Variants in ARHGEF18 observed in about 807,000 individuals in gnomAD.
ARHGEF18 encodes the protein rho guanine nucleotide exchange factor 18.
ARHGEF18 carries 93 observed loss-of-function variants against 155.7 expected under a neutral mutation model. The observed-to-expected ratio is 0.60, with a 90% CI of 0.50 to 0.71. The LOEUF is 0.71. ARHGEF18 is among the 30% of genes least tolerant of loss of function. The pLI is 0.00. For missense variants in ARHGEF18, 1,593 were observed against 1,816.1 expected (o/e 0.88, Z 2.23); for synonymous variants, 742 against 753.1 (o/e 0.99, Z 0.24).
intron 16 of ARHGEF18, among the ~76,000 whole-genome samples, chr19:7,451,649 A>T (rs1287625155): frequency 6.6e-6 from 1 of 151,938 alleles, no homozygotes; most frequent in Non-Finnish European, 1.5e-5. Context: ...TCCTGGGTTC[A>T]AGTGATCCTC....
rs1971638334 is a variant in ARHGEF18 at position 7,395,353 on chromosome 19, G to A, written c.967+12150G>A. On this transcript the variant is annotated intron_variant, in intron 10 of 28. Transcript: ENST00000668164. This position sits in a 1 kb window ranked among gnomAD's most constrained non-coding sequence, Gnocchi z 5.0. Reference sequence around the variant, plus strand: ...CGCGGGACCCCCGGGGCTGCCTCGGGCCTCCCGCCGGCTCCTGGGGGACTT... The same window carrying A: ...CGCGGGACCCCCGGGGCTGCCTCGGACCTCCCGCCGGCTCCTGGGGGACTT... 4 of 977,014 alleles carry A rather than the reference G, an allele frequency of 4.1e-6. No individual in the cohort carries two copies. The highest frequency in any genetic ancestry group is 3.6e-6 in the Non-Finnish European group (3 of 822,320). The allele number at this position is 977,014 out of a possible 1,614,324, so 60.5% of individuals were successfully genotyped here.
chr19:7,357,089 AG>A (rs1373728785), intron 1 of ARHGEF18, among the ~76,000 whole-genome samples: 1 of 152,114 alleles, frequency 6.6e-6, no homozygotes, highest in African/African-American at 2.4e-5. Context: ...GGGCTCAGAG[AG>A]GTTGAGCGAC....
In ARHGEF18 at chr19:7,410,393, TATACACACACACATAC is replaced by T. The variant is rs1431167493; in HGVS notation, c.967+27206_967+27221del. 5.9e-5 allele frequency among the ~76,000 whole-genome samples: 9 copies of T among 152,068 alleles called. No individual in the cohort carries two copies. In the South Asian group the frequency reaches 8.3e-4, roughly 14 times the overall value. On this transcript the variant is annotated intron_variant, in intron 10 of 28. Transcript: ENST00000668164. ...ATTGTTGGCTTGAAATATATATATATATACACACACACATACATACACACACACATATGTATATAAA... is the reference window on the plus strand; with the variant it reads ...ATTGTTGGCTTGAAATATATATATATATACACACACACATATGTATATAAA...
At chr19:7,454,937 A>G (rs1379964035) in intron 17 of ARHGEF18, among the ~76,000 whole-genome samples, 3 of 152,058 alleles carry the variant, frequency 2.0e-5, no homozygotes, top group African/African-American at 7.2e-5. Context: ...AGCATCCCCA[A>G]GCATCCCACT....
chr19:7,414,638 G>C (rs900416154), intron 10 of ARHGEF18, among the ~76,000 whole-genome samples: 1 of 151,918 alleles, frequency 6.6e-6, no homozygotes, highest in African/African-American at 2.4e-5. Flanking sequence ...GTGAAACCCC[G>C]TCTCTACTAA....
chr19:7,447,011 T>G, intron 14 of ARHGEF18, 32 bp from the exon 15 acceptor site: 1 of 1,605,998 alleles, frequency 6.2e-7, no homozygotes, highest in Non-Finnish European at 8.5e-7. Flanking sequence ...GTTTTCGTGT[T>G]TAATTAACAT....
intron 17 of ARHGEF18, 41 bp from the exon 18 acceptor site, chr19:7,456,286 A>G (rs375168241): frequency 8.8e-6 from 14 of 1,597,196 alleles, no homozygotes; most frequent in Non-Finnish European, 1.1e-5. Context: ...CCTCCTGGCT[A>G]TGGGACTTTT....
At chr19:7,373,244 G>A (rs1458275182) in intron 3 of ARHGEF18, among the ~76,000 whole-genome samples, 173 bp downstream of exon 3, 3 of 152,200 alleles carry the variant, frequency 2.0e-5, no homozygotes, top group African/African-American at 7.2e-5. Context: ...TGGACCCAGG[G>A]GGACAGGGGA....
chr19:7,408,572 G>A (rs1421210608), intron 10 of ARHGEF18, among the ~76,000 whole-genome samples: 1 of 152,248 alleles, frequency 6.6e-6, no homozygotes, highest in Non-Finnish European at 1.5e-5. Context: ...CCTGTCTCAT[G>A]AGCTTAGCAG....
intron 10 of ARHGEF18, among the ~76,000 whole-genome samples, chr19:7,423,396 G>A (rs560897251): frequency 6.6e-6 from 1 of 152,144 alleles, no homozygotes; most frequent in Admixed American, 6.6e-5. Context: ...AACAATCTCA[G>A]GGGAGCCTGG....
rs1970810632 is a variant in ARHGEF18, at chr19:7,382,824, G to T, written c.755G>T (p.Ser252Ile). The T allele has an allele frequency of 1.6e-6, 2 of 1,232,428 alleles. No individual in the cohort carries two copies. Among genetic ancestry groups the T allele is most frequent in the African/African-American group, 1.6e-5 (1 of 64,422 alleles). 76.3% of individuals were successfully genotyped at this position (1,232,428 alleles called of 1,614,324 possible). The stretch of plus-strand genomic sequence containing the variant: ...GACGGTGCTGGCAAGAACGAGAAGA[G>T]TGACAAGAGTACCAGTGTGAAGCGC... Reference protein sequence around the residue: ...SEDGAGKNEKSDKSTSVKRRL... With the variant: ...SEDGAGKNEKIDKSTSVKRRL... Residue 252 changes from serine to isoleucine, a missense_variant, in exon 9 of 29, where the codon AGT (serine) becomes ATT (isoleucine). Ser to Ile is a moderately radical substitution (Grantham distance 142, BLOSUM62 -2). Transcript: ENST00000668164.
At chr19:7,417,496 G>A (rs1023983987) in intron 10 of ARHGEF18, among the ~76,000 whole-genome samples, 2 of 152,138 alleles carry the variant, frequency 1.3e-5, no homozygotes, top group African/African-American at 4.8e-5. Context: ...TGAGGAGTTG[G>A]AGAGCAGCCT....
chr19:7,385,905 TCC>T (rs1971026217), intron 10 of ARHGEF18, among the ~76,000 whole-genome samples: 2 of 45,868 alleles, frequency 4.4e-5, no homozygotes, highest in African/African-American at 1.8e-4. Flanking sequence ...CCTCTCTCTC[TCC>T]CTCTCTCCCT....
chr19:7,474,754 A>AGTGTGTGTTTGTGTGTGT (rs1555733265), downstream of ARHGEF18, among the ~76,000 whole-genome samples: 1 of 141,970 alleles, frequency 7.0e-6, no homozygotes, highest in African/African-American at 2.7e-5. Context: ...TGGGCATTGG[A>AGTGTGTGTTTGTGTGTGT]GTGTGTGTGT....
At chr19:7,459,435 G>C (rs950286171) in intron 19 of ARHGEF18, among the ~76,000 whole-genome samples, 2 of 151,854 alleles carry the variant, frequency 1.3e-5, no homozygotes, top group Admixed American at 6.6e-5. Flanking sequence ...GCCCAGGCTG[G>C]TCTTGAACTC....
At chr19:7,353,056 G>A (rs551126160) in intron 1 of ARHGEF18, among the ~76,000 whole-genome samples, 7 of 148,542 alleles carry the variant, frequency 4.7e-5, no homozygotes, top group South Asian at 2.2e-4. Context: ...GGCTGGTCTC[G>A]AACTCCTGAC....
At chr19:7,368,000 AGG>A (rs71179103) in intron 2 of ARHGEF18, among the ~76,000 whole-genome samples, 151 of 43,818 alleles carry the variant, frequency 3.4e-3, no homozygotes, top group South Asian at 7.1e-3. Context: ...AGAGAGAGAG[AGG>A]GAGGGAGGGA....
At chr19:7,377,744 CAG>C (rs1224885981) in intron 5 of ARHGEF18, among the ~76,000 whole-genome samples, 3 of 146,118 alleles carry the variant, frequency 2.1e-5, no homozygotes, top group Non-Finnish European at 4.4e-5. Context: ...GTTCTGATGG[CAG>C]GACTGCGCTC....
chr19:7,412,823 G>A (rs1331960420), intron 10 of ARHGEF18, among the ~76,000 whole-genome samples: 2 of 152,014 alleles, frequency 1.3e-5, no homozygotes, highest in Non-Finnish European at 2.9e-5. Flanking sequence ...CGTTTCCCTG[G>A]TGACTACTGA....
Sources: allele counts gnomAD v4.1 joint callset (sites outside exome capture counted in the v4.1 genomes callset), GRCh38; gene constraint gnomAD v4.1.1; non-coding constraint Gnocchi (gnomAD v3.1); transcripts MANE v1.5; gene names NCBI Gene and HGNC (gene_info 2026-07-23, HGNC 2026-07-21).